Variants in ABCG2 observed in about 807,000 individuals in gnomAD.
ABCG2 encodes broad substrate specificity ATP-binding cassette transporter ABCG2.
A neutral mutation model predicts 73.5 loss-of-function variants in ABCG2; 80 were observed. The observed-to-expected ratio is 1.09, with a 90% CI of 0.91 to 1.31. ABCG2 has a LOEUF of 1.31. ABCG2 is among the 50% of genes most tolerant of loss of function. The probability of loss-of-function intolerance (pLI) is 0.00; values close to 1 mark genes in which losing one functional copy is unlikely to be tolerated. For synonymous variants in ABCG2, 269 were observed against 282.4 expected (o/e 0.95, Z 0.48); for missense variants, 796 against 786.2 (o/e 1.01, Z -0.15).
At position 88,194,549 on chromosome 4, in the gene ABCG2, C is replaced by CAAAAAAAAAAA. The variant is rs58945293; in HGVS notation, c.-20+36434_-20+36444dup. Among the ~76,000 whole-genome samples the CAAAAAAAAAAA allele has an allele frequency of 9.5e-5, 5 of 52,592 alleles. 1 individual carries two copies. The highest frequency in any genetic ancestry group is 1.8e-4 in the African/African-American group (2 of 11,326). The allele number at this position is 52,592 out of a possible 152,430, so 34.5% of individuals were successfully genotyped here. ...TGGGCGACAGAGCCAGACTCCGTCT[C>CAAAAAAAAAAA]AAAAAAAAAAAAAAAAAAAAAAAAA... On this transcript the variant is annotated intron_variant, in intron 1 of 15. Coordinates refer to the ABCG2 transcript ENST00000515655.
chr4:88,197,346 G>A (rs996608669), intron 1 of ABCG2, among the ~76,000 whole-genome samples: 2 of 152,118 alleles, frequency 1.3e-5, no homozygotes, highest in Non-Finnish European at 2.9e-5. Flanking sequence ...GCTCTAATGG[G>A]GCCAGGCATA....
At chr4:88,157,231 G>C (rs1727008101) in intron 1 of ABCG2, among the ~76,000 whole-genome samples, 1 of 152,146 alleles carries the variant, frequency 6.6e-6, no homozygotes, top group South Asian at 2.1e-4. Flanking sequence ...AACACAAATT[G>C]AGGGGCATTC....
chr4:88,092,141 G>T lies in ABCG2; in HGVS notation c.*93C>A. Reference sequence around the variant, plus strand: ...TGCTGTGCAACAGTGTGATGGCAAGGGAACAGAAAACAACAAAAAAACTTG... The same window carrying T: ...TGCTGTGCAACAGTGTGATGGCAAGTGAACAGAAAACAACAAAAAAACTTG... On this transcript the variant is annotated 3_prime_UTR_variant, in exon 16 of 16. Coordinates refer to ENST00000237612, the MANE Select transcript of ABCG2 (RefSeq NM_004827.3). The T allele has an allele frequency of 8.5e-7, 1 of 1,176,246 alleles. No homozygotes were observed. The highest frequency in any genetic ancestry group is 1.6e-5 in the South Asian group (1 of 62,332). The allele number at this position is 1,176,246 out of a possible 1,614,324, so 72.9% of individuals were successfully genotyped here. A position where few individuals can be genotyped will look rare whatever the true frequency, so the allele number is the denominator to read the frequency against.
intron 6 of ABCG2, among the ~76,000 whole-genome samples, chr4:88,118,869 G>A (rs1723772349): frequency 1.3e-5 from 2 of 152,080 alleles, no homozygotes; most frequent in Admixed American, 1.3e-4. Flanking sequence ...TGTCTTAAAG[G>A]ATCAAGCAAC....
chr4:88,163,323 A>G (rs997798565), upstream of ABCG2, among the ~76,000 whole-genome samples: 1 of 152,208 alleles, frequency 6.6e-6, no homozygotes, highest in Non-Finnish European at 1.5e-5. Context: ...ATTTCAGTAT[A>G]AAAGGAAGGT....
At chr4:88,137,062 A>AAATAAAATAAAATAAAATAAAATAAAAT (rs1560703016) in intron 2 of ABCG2, among the ~76,000 whole-genome samples, 9 of 150,038 alleles carry the variant, frequency 6.0e-5, no homozygotes, top group Non-Finnish European at 1.2e-4. Context: ...AAATAAAATA[A>AAATAAAATAAAATAAAATAAAATAAAAT]GAATGAGGAG....
chr4:88,219,836 G>A (rs1482855209), intron 1 of ABCG2, among the ~76,000 whole-genome samples: 2 of 150,396 alleles, frequency 1.3e-5, no homozygotes, highest in African/African-American at 4.9e-5. Context: ...TGATCCACCC[G>A]CCTCGGCCTC....
At chr4:88,211,357 T>TACCCCCCC (rs1560460419) in intron 1 of ABCG2, among the ~76,000 whole-genome samples, 1 of 18,888 alleles carries the variant, frequency 5.3e-5, no homozygotes, top group Non-Finnish European at 1.2e-4. Context: ...GTTCAACCCC[T>TACCCCCCC]GCCCCACCCC....
At chr4:88,227,971 T>C (rs1032019740) in intron 1 of ABCG2, among the ~76,000 whole-genome samples, 3 of 152,138 alleles carry the variant, frequency 2.0e-5, no homozygotes, top group African/African-American at 7.2e-5. Flanking sequence ...TGTGTGCCTT[T>C]GGCAAATTGC....
At chr4:88,160,297 T>G (rs1727238259), upstream of ABCG2, among the ~76,000 whole-genome samples, 1 of 152,016 alleles carries the variant, frequency 6.6e-6, no homozygotes. Flanking sequence ...AACGACTGTT[T>G]GCAAAAACTG....
intron 2 of ABCG2, among the ~76,000 whole-genome samples, chr4:88,135,287 T>C (rs1460170457): frequency 6.6e-6 from 1 of 152,108 alleles, no homozygotes; most frequent in Non-Finnish European, 1.5e-5. Context: ...ACTATAAAAG[T>C]CTGTCAACAA....
chr4:88,187,553 C>T (rs945443128), intron 1 of ABCG2, among the ~76,000 whole-genome samples: 3 of 151,940 alleles, frequency 2.0e-5, no homozygotes, highest in Admixed American at 6.6e-5. Context: ...TCAGAGGTTG[C>T]GGCAAGCCAA....
rs549409013 is a variant in ABCG2 at position 88,221,618 on chromosome 4, T to C, written c.-20+9376A>G. 2.0e-5 allele frequency among the ~76,000 whole-genome samples: 3 copies of C among 152,226 alleles called. No individual in the cohort carries two copies. The East Asian group carries it at 5.8e-4, about 29-fold the overall frequency. On this transcript the variant is annotated intron_variant, in intron 1 of 15. Coordinates refer to the ABCG2 transcript ENST00000515655. Reference sequence around the variant, plus strand: ...ATGGACAATAAAGTGCAGGCTGAGGTGGTCTCAGATGGAGATGAGGAACTT... The same window carrying C: ...ATGGACAATAAAGTGCAGGCTGAGGCGGTCTCAGATGGAGATGAGGAACTT...
chr4:88,092,362 A>C lies in ABCG2; in HGVS notation c.1840T>G (p.Leu614Val). The C allele has an allele frequency of 6.2e-7, 1 of 1,610,466 alleles. No homozygotes were observed. Among genetic ancestry groups the C allele is most frequent in the African/African-American group, 1.3e-5 (1 of 74,776 alleles). ...NYATCTGEEYLVKQGIDLSPW... is the reference protein window; with the variant it reads ...NYATCTGEEYVVKQGIDLSPW... ...GAGAGATCGATGCCCTGCTTTACCA[A>C]ATATTCTTCGCCAGTACATCTGAAA... The change falls in exon 16 of 16, where the codon TTG becomes GTG. Residue 614 changes from leucine to valine, a missense_variant. Coordinates refer to ENST00000237612, the MANE Select transcript of ABCG2 (RefSeq NM_004827.3).
chr4:88,203,598 A>G (rs1729263788), intron 1 of ABCG2, among the ~76,000 whole-genome samples: 1 of 152,028 alleles, frequency 6.6e-6, no homozygotes, highest in African/African-American at 2.4e-5. Context: ...TACTAAAAAT[A>G]CAAAAATTAG....
At chr4:88,160,848 C>CAAAAAA (rs765758097), upstream of ABCG2, among the ~76,000 whole-genome samples, 3 of 37,438 alleles carry the variant, frequency 8.0e-5, no homozygotes, top group African/African-American at 2.2e-4. Context: ...GACTCCATCT[C>CAAAAAA]AAAAAAAAAA....
At chr4:88,127,504 G>A (rs1256074280) in intron 5 of ABCG2, among the ~76,000 whole-genome samples, 1 of 152,064 alleles carries the variant, frequency 6.6e-6, no homozygotes, top group Non-Finnish European at 1.5e-5. Context: ...GAGGCATCAC[G>A]TGACCTGACT....
At chr4:88,205,870 A>T (rs988891966) in intron 1 of ABCG2, among the ~76,000 whole-genome samples, 67 of 152,210 alleles carry the variant, frequency 4.4e-4, no homozygotes, top group African/African-American at 1.5e-3. Context: ...TTTAGTAGAG[A>T]TGGGGTTTCC....
At chr4:88,117,019 A>G (rs1027843498) in intron 7 of ABCG2, among the ~76,000 whole-genome samples, 1 of 152,198 alleles carries the variant, frequency 6.6e-6, no homozygotes. Context: ...GCTGCAATCT[A>G]TAGTTACCAG....
Sources: gnomAD v4.1 joint callset for allele counts (sites outside exome capture counted in the v4.1 genomes callset) on GRCh38, gnomAD v4.1.1 for gene constraint, MANE v1.5 for transcripts, NCBI Gene and HGNC (gene_info 2026-07-23, HGNC 2026-07-21) for gene names.